LRRC4C: variants seen among roughly 807,000 people sequenced by gnomAD.
The protein encoded by LRRC4C is leucine-rich repeat-containing protein 4C.
Under a neutral mutation model 33.6 loss-of-function variants are expected in LRRC4C, and 5 were observed. The observed-to-expected ratio is 0.15, with a 90% CI of 0.08 to 0.31. The LOEUF is 0.31. Among genes scored for constraint, LRRC4C ranks in the 10% least tolerant of loss-of-function variants. The pLI is 1.00. For synonymous variants in LRRC4C, 329 were observed against 302.0 expected, an observed-to-expected ratio of 1.09 and a Z score of -0.93; for missense variants, 560 against 796.7, an observed-to-expected ratio of 0.70 and a Z score of 3.58.
intron 1 of LRRC4C, among the ~76,000 whole-genome samples, chr11:41,030,671 T>C (rs1293986661): frequency 6.6e-6 from 1 of 151,916 alleles, no homozygotes; most frequent in Admixed American, 6.6e-5. Flanking sequence ...CCTTGTTTTC[T>C]ACCATCGTGT....
At chr11:40,357,155 A>G (rs751879581) in intron 3 of LRRC4C, among the ~76,000 whole-genome samples, 1 of 152,098 alleles carries the variant, frequency 6.6e-6, no homozygotes, top group Non-Finnish European at 1.5e-5. Flanking sequence ...TTGAAGGGGG[A>G]AAGGGCAAGA....
At chr11:40,990,577 A>AT (rs1216212766) in intron 1 of LRRC4C, among the ~76,000 whole-genome samples, 1 of 152,038 alleles carries the variant, frequency 6.6e-6, no homozygotes. Flanking sequence ...CCTCTTAGGG[A>AT]TCCCATGAGG....
intron 1 of LRRC4C, among the ~76,000 whole-genome samples, chr11:41,260,069 ATTTT>A (rs1022950286): frequency 6.6e-6 from 1 of 151,900 alleles, no homozygotes; most frequent in East Asian, 1.9e-4. Context: ...TCTGGAGATT[ATTTT>A]TTGTCATTTT....
At chr11:40,124,963 A>T (rs891882613) in intron 6 of LRRC4C, among the ~76,000 whole-genome samples, 12 of 150,464 alleles carry the variant, frequency 8.0e-5, no homozygotes, top group African/African-American at 1.9e-4. Flanking sequence ...AAACTTTTTA[A>T]AAAAAGAATA....
chr11:40,916,204 T>G (rs1431624486), intron 2 of LRRC4C, among the ~76,000 whole-genome samples: 1 of 152,106 alleles, frequency 6.6e-6, no homozygotes, highest in African/African-American at 2.4e-5. Flanking sequence ...TGGGTGTATA[T>G]CCAAAGGATT....
intron 2 of LRRC4C, among the ~76,000 whole-genome samples, chr11:40,890,023 C>A (rs1186116753): frequency 6.6e-6 from 1 of 152,020 alleles, no homozygotes. Flanking sequence ...TTCTACAGAC[C>A]AGAAACACCT....
chr11:41,235,751 A>C (rs547638159), intron 1 of LRRC4C, among the ~76,000 whole-genome samples: 2 of 152,202 alleles, frequency 1.3e-5, no homozygotes, highest in African/African-American at 4.8e-5. Context: ...CTGTACTTGG[A>C]TAATTTGCCT....
intron 5 of LRRC4C, among the ~76,000 whole-genome samples, chr11:40,232,236 C>T (rs1403633569): frequency 2.0e-5 from 3 of 152,128 alleles, no homozygotes; most frequent in Non-Finnish European, 4.4e-5. Flanking sequence ...GAACTCCTGA[C>T]CTCAGGTGAT....
chr11:41,133,481 C>A (rs1038591042), intron 1 of LRRC4C, among the ~76,000 whole-genome samples: 1 of 144,288 alleles, frequency 6.9e-6, no homozygotes, highest in Non-Finnish European at 1.5e-5. Context: ...CCTAATCCCC[C>A]CCCCGCCCCC....
intron 2 of LRRC4C, among the ~76,000 whole-genome samples, chr11:40,740,438 T>A (rs919350748): frequency 2.0e-5 from 3 of 152,142 alleles, no homozygotes; most frequent in Middle Eastern, 3.4e-3. Context: ...TGGCTATTTT[T>A]TACCTCTTTT....
At chr11:40,291,916 G>C (rs866805640) in intron 4 of LRRC4C, among the ~76,000 whole-genome samples, 1 of 151,476 alleles carries the variant, frequency 6.6e-6, no homozygotes, top group Non-Finnish European at 1.5e-5. Context: ...ACACTGCAGC[G>C]GCTTTCTTGG....
rs1015159909 is a variant in LRRC4C, at chr11:40,122,738, C to T, written c.-42-6404G>A. Among the ~76,000 whole-genome samples the T allele has an allele frequency of 1.7e-4, 25 of 151,476 alleles. No homozygotes were observed. The Admixed American group carries it at 1.7e-3, about 10-fold the overall frequency. On this transcript the variant is annotated intron_variant, in intron 6 of 6. Coordinates refer to ENST00000528697, the MANE Select transcript of LRRC4C (RefSeq NM_001258419.2). ...ATACTCATTTAAAATGTGATTGAAT[C>T]TCAAACAATATCTTCACCCTCCCCC...
intron 3 of LRRC4C, among the ~76,000 whole-genome samples, chr11:40,621,248 TC>T (rs1286161248): frequency 3.3e-5 from 5 of 151,672 alleles, no homozygotes; most frequent in Non-Finnish European, 5.9e-5. Context: ...CTTTAATGGT[TC>T]TTTTTTTTTA....
intron 1 of LRRC4C, among the ~76,000 whole-genome samples, chr11:41,120,113 T>C (rs549514618): frequency 7.2e-5 from 11 of 152,236 alleles, no homozygotes; most frequent in African/African-American, 2.6e-4. Flanking sequence ...CCTTAAAATT[T>C]TTCACAATTG....
intron 2 of LRRC4C, among the ~76,000 whole-genome samples, chr11:40,770,029 T>G (rs1038920933): frequency 6.6e-6 from 1 of 151,922 alleles, no homozygotes; most frequent in Admixed American, 6.6e-5. Context: ...TTAAAAAAAA[T>G]TCCGCACATC....
chr11:41,349,557 G>A (rs1157394664), intron 1 of LRRC4C, among the ~76,000 whole-genome samples: 1 of 152,090 alleles, frequency 6.6e-6, no homozygotes, highest in Non-Finnish European at 1.5e-5. Flanking sequence ...GCTGAGCTGA[G>A]CCTTGGTTCC....
chr11:40,376,502 G>T (rs1462536267), intron 3 of LRRC4C, among the ~76,000 whole-genome samples: 3 of 152,118 alleles, frequency 2.0e-5, no homozygotes, highest in Non-Finnish European at 4.4e-5. Context: ...AAGACATCTG[G>T]TTTTGCCATA....
intron 1 of LRRC4C, among the ~76,000 whole-genome samples, chr11:41,405,346 A>G (rs1176626379): frequency 6.6e-6 from 1 of 152,158 alleles, no homozygotes; most frequent in Non-Finnish European, 1.5e-5. Flanking sequence ...TCTTGCTTAA[A>G]CCCTTTCCAG....
chr11:41,365,106 C>G (rs1013764469), intron 1 of LRRC4C, among the ~76,000 whole-genome samples: 2 of 152,056 alleles, frequency 1.3e-5, no homozygotes, highest in Non-Finnish European at 2.9e-5. Flanking sequence ...ATCAGGAGAC[C>G]AAGCAAAGTT....
Sources: allele counts gnomAD v4.1 joint callset (sites outside exome capture counted in the v4.1 genomes callset), GRCh38; gene constraint gnomAD v4.1.1; transcripts MANE v1.5; gene names NCBI Gene and HGNC (gene_info 2026-07-23, HGNC 2026-07-21).